FBXO32: variants seen among roughly 807,000 people sequenced by gnomAD.
FBXO32 encodes F-box only protein 32.
Under a neutral mutation model 48.3 loss-of-function variants are expected in FBXO32, and 15 were observed. The observed-to-expected ratio is 0.31, with a 90% CI of 0.21 to 0.48. FBXO32 has a LOEUF of 0.48. FBXO32 is among the 20% of genes least tolerant of loss of function. The pLI, the probability that FBXO32 is intolerant of heterozygous loss-of-function variation, is 0.99. For synonymous variants in FBXO32, 154 were observed against 165.9 expected (o/e 0.93, Z 0.55); for missense variants, 309 against 432.7 (o/e 0.71, Z 2.54).
Position 123,525,613 on chromosome 8 carries a change from G to T in FBXO32, c.372+6285C>A, listed in dbSNP as rs1257678875. ...GCCCTCTAAGCAATGCAGTCGAAAG[G>T]AGAGAACACTGGAGCAGGAGTCGGA... On this transcript the variant is annotated intron_variant, in intron 4 of 8. Coordinates refer to ENST00000517956, the MANE Select transcript of FBXO32 (RefSeq NM_058229.4). The surrounding 1 kb of genome is among the most constrained non-coding windows in gnomAD (Gnocchi z 4.3). 6.6e-6 allele frequency among the ~76,000 whole-genome samples: 1 copy of T among 152,200 alleles called. No homozygotes were observed. The highest frequency in any genetic ancestry group is 1.5e-5 in the Non-Finnish European group (1 of 68,038).
chr8:123,519,658 A>G (rs16898505), intron 4 of FBXO32, among the ~76,000 whole-genome samples: 9,778 of 152,158 alleles, frequency 0.064, 834 homozygotes, highest in East Asian at 0.46. Context: ...CAGCACATTT[A>G]GGATGAGGCA....
intron 4 of FBXO32, among the ~76,000 whole-genome samples, chr8:123,521,644 C>T (rs570156694): frequency 1.3e-5 from 2 of 152,080 alleles, no homozygotes; most frequent in Non-Finnish European, 2.9e-5. Flanking sequence ...CCTAAGCATG[C>T]TCTATCATTC....
chr8:123,518,766 C>A (rs1199426353), intron 4 of FBXO32, among the ~76,000 whole-genome samples: 1 of 152,166 alleles, frequency 6.6e-6, no homozygotes, highest in Non-Finnish European at 1.5e-5. Flanking sequence ...GCCATACCAG[C>A]AGTAGCAAAT....
At chr8:123,511,120 A>G (rs1198603399) in intron 6 of FBXO32, among the ~76,000 whole-genome samples, 2 of 152,212 alleles carry the variant, frequency 1.3e-5, no homozygotes, top group African/African-American at 4.8e-5. Flanking sequence ...TCATTGGATA[A>G]ATAGTTGGAA....
rs759532797 is a variant in FBXO32, at chr8:123,534,667, C to G, written c.229+35G>C. ...AGAACCAATCATAACTATCTTCAAA[C>G]AGCTTTTTTCTGAAGTTCAAAACAA... On this transcript the variant is annotated intron_variant, in intron 2 of 8. Transcript: ENST00000517956. 13 of 1,410,688 alleles carry G rather than the reference C, an allele frequency of 9.2e-6. No individual in the cohort carries two copies. In the South Asian group the frequency reaches 9.3e-5, roughly 10 times the overall value. The allele number at this position is 1,410,688 out of a possible 1,614,324, so 87.4% of individuals were successfully genotyped here. A position where few individuals can be genotyped will look rare whatever the true frequency, so the allele number is the denominator to read the frequency against.
rs749093761 is a variant in FBXO32 at position 123,499,091 on chromosome 8, C to G, written c.*4282G>C. 25 of 152,254 alleles carry G rather than the reference C, an allele frequency of 1.6e-4. No homozygotes were observed. The highest frequency in any genetic ancestry group is 3.2e-4 in the Non-Finnish European group (22 of 68,056). The allele number at this position is 152,254 out of a possible 1,614,324, so 9.4% of individuals were successfully genotyped here. ...TAGAAGGTCAGGCCTCAGGAGGCCT[C>G]AAGTTCGCATTCAGCTTTGCCACTG... On this transcript the variant is annotated 3_prime_UTR_variant, in exon 9 of 9. Coordinates refer to ENST00000517956, the MANE Select transcript of FBXO32 (RefSeq NM_058229.4).
At chr8:123,529,339 A>C (rs1817153345) in intron 4 of FBXO32, among the ~76,000 whole-genome samples, 3 of 152,256 alleles carry the variant, frequency 2.0e-5, no homozygotes, top group Admixed American at 6.5e-5. Context: ...CATTTTAATC[A>C]ACTCAACTGA....
intron 2 of FBXO32, among the ~76,000 whole-genome samples, chr8:123,533,986 A>G (rs559242983): frequency 6.6e-6 from 1 of 150,428 alleles, no homozygotes; most frequent in South Asian, 2.1e-4. Flanking sequence ...CCAGCTACTC[A>G]GGAGGCTGAG....
At position 123,504,821 on chromosome 8, in the gene FBXO32, A is replaced by C. The variant is rs1181250549; in HGVS notation, c.835-74T>G. Reference sequence around the variant, plus strand: ...GATGGCTTGTGGTTTTCCGGTTCTGAAAAGGTTTACTCTCACCCTTTCCCC... The same window carrying C: ...GATGGCTTGTGGTTTTCCGGTTCTGCAAAGGTTTACTCTCACCCTTTCCCC... On this transcript the variant is annotated intron_variant, in intron 7 of 8. Transcript: ENST00000517956. The C allele has an allele frequency of 2.7e-6, 4 of 1,483,836 alleles. No individual in the cohort carries two copies. In the African/African-American group the frequency reaches 5.6e-5, roughly 21 times the overall value. The allele number at this position is 1,483,836 out of a possible 1,614,324, so 91.9% of individuals were successfully genotyped here. A position where few individuals can be genotyped will look rare whatever the true frequency, so the allele number is the denominator to read the frequency against.
At chr8:123,527,343 C>G (rs1318575550) in intron 4 of FBXO32, 2 of 152,166 alleles carry the variant, frequency 1.3e-5, no homozygotes, top group Non-Finnish European at 2.9e-5. Flanking sequence ...ATAACAGATA[C>G]TAAATAACGG....
chr8:123,539,057 G>T (rs143381300), intron 1 of FBXO32, among the ~76,000 whole-genome samples: 2,093 of 152,264 alleles, frequency 0.014, 39 homozygotes, highest in African/African-American at 0.048. Context: ...CCAGGCTGGA[G>T]CGCAGTGGCA....
chr8:123,524,217 GCCT>G (rs775781255), intron 4 of FBXO32, among the ~76,000 whole-genome samples: 1 of 151,994 alleles, frequency 6.6e-6, no homozygotes, highest in African/African-American at 2.4e-5. Context: ...TTTTCAGGTG[GCCT>G]CCTTTTTCTG....
intron 8 of FBXO32, among the ~76,000 whole-genome samples, chr8:123,504,163 G>C (rs565093348): frequency 5.5e-4 from 84 of 151,912 alleles, no homozygotes; most frequent in African/African-American, 1.9e-3. Flanking sequence ...GCATAAATAA[G>C]TGACAAATAT....
rs1053418187 is a variant in FBXO32, at chr8:123,498,911, G to T, written c.*4462C>A. ...AGTGGCTCCTTAACTTCTCCAGTAA[G>T]AATCAGGGACTTGAAATGGAAACGT... On this transcript the variant is annotated 3_prime_UTR_variant, in exon 9 of 9. Transcript: ENST00000517956. 6.6e-6 allele frequency: 1 copy of T among 152,218 alleles called. No individual in the cohort carries two copies. Among genetic ancestry groups the T allele is most frequent in the Non-Finnish European group, 1.5e-5 (1 of 68,040 alleles). 9.4% of individuals were successfully genotyped at this position (152,218 alleles called of 1,614,324 possible). A position where few individuals can be genotyped will look rare whatever the true frequency, so the allele number is the denominator to read the frequency against.
In FBXO32 at chr8:123,501,702, C is replaced by G. The variant is rs994140658; in HGVS notation, c.*1671G>C. The G allele has an allele frequency of 1.3e-5, 2 of 152,174 alleles. No homozygotes were observed. The highest frequency in any genetic ancestry group is 2.4e-5 in the African/African-American group (1 of 41,416). 9.4% of individuals were successfully genotyped at this position (152,174 alleles called of 1,614,324 possible). A position where few individuals can be genotyped will look rare whatever the true frequency, so the allele number is the denominator to read the frequency against. ...GTCTCTTGCCTCGTTTCTCTCCATG[C>G]TTAGCCATCTTTCCCCCTTTCCAGG... On this transcript the variant is annotated 3_prime_UTR_variant, in exon 9 of 9. Transcript: ENST00000517956.
In FBXO32 at chr8:123,540,882, G is replaced by C; in HGVS notation, c.116+17C>G. 6.2e-7 allele frequency: 1 copy of C among 1,602,982 alleles called. No homozygotes were observed. Among genetic ancestry groups the C allele is most frequent in the Non-Finnish European group, 8.5e-7 (1 of 1,171,440 alleles). The stretch of plus-strand genomic sequence containing the variant: ...TCAGTTTCGCGGGGGCTGGAAGTTG[G>C]TAGCGGGTCCCCTCACCTGCTGAGG... On this transcript the variant is annotated intron_variant, in intron 1 of 8. Transcript: ENST00000517956. This position sits in a 1 kb window ranked among gnomAD's most constrained non-coding sequence, Gnocchi z 6.4.
At chr8:123,529,354 C>G (rs1394853979) in intron 4 of FBXO32, among the ~76,000 whole-genome samples, 1 of 152,134 alleles carries the variant, frequency 6.6e-6, no homozygotes. Flanking sequence ...AACTGAAAAG[C>G]GTTTTAGGGG....
rs1343802869 is a variant in FBXO32 at position 123,513,027 on chromosome 8, CT to C, written c.651+170del. ...CCGTTTTGCCAAGTTTTTCTTCCCA[CT>C]TCCCTTTATCAGGAGGTCCCCCAGC... On this transcript the variant is annotated intron_variant, in intron 6 of 8. Coordinates refer to ENST00000517956, the MANE Select transcript of FBXO32 (RefSeq NM_058229.4). This position sits in a 1 kb window ranked among gnomAD's most constrained non-coding sequence, Gnocchi z 4.3. 6.6e-6 allele frequency among the ~76,000 whole-genome samples: 1 copy of C among 152,226 alleles called. No homozygotes were observed. The highest frequency in any genetic ancestry group is 1.5e-5 in the Non-Finnish European group (1 of 68,044).
At chr8:123,536,389 T>A (rs1817310489) in intron 1 of FBXO32, among the ~76,000 whole-genome samples, 1 of 152,182 alleles carries the variant, frequency 6.6e-6, no homozygotes, top group Admixed American at 6.5e-5. Context: ...TCTGTCTATT[T>A]GCATGACTAT....
Sources: allele counts gnomAD v4.1 joint callset (sites outside exome capture counted in the v4.1 genomes callset), GRCh38; gene constraint gnomAD v4.1.1; non-coding constraint Gnocchi (gnomAD v3.1); transcripts MANE v1.5; gene names NCBI Gene and HGNC (gene_info 2026-07-23, HGNC 2026-07-21).